Variants in ASIC2 observed in about 807,000 individuals in gnomAD.
ASIC2 encodes the protein acid-sensing ion channel 2.
ASIC2 carries 25 observed loss-of-function variants against 57.3 expected under a neutral mutation model. The ratio of observed to expected loss-of-function variants is 0.44; its 90% CI spans 0.32 to 0.61. The LOEUF (loss-of-function observed/expected upper bound fraction) is 0.61, where lower values mean the gene tolerates loss of function less well. ASIC2 is among the 20% of genes least tolerant of loss of function. The pLI is 0.06. For missense variants in ASIC2, 641 were observed against 738.1 expected (o/e 0.87, Z 1.52); for synonymous variants, 319 against 307.5 (o/e 1.04, Z -0.39).
At chr17:34,131,110 G>A (rs73282443) in intron 1 of ASIC2, among the ~76,000 whole-genome samples, 4,169 of 120,498 alleles carry the variant, frequency 0.035, 196 homozygotes, top group African/African-American at 0.13. Context: ...AGTGGGGAAA[G>A]AAAGCCTTCG....
At chr17:33,054,893 C>T (rs984816321) in intron 3 of ASIC2, among the ~76,000 whole-genome samples, 10 of 152,224 alleles carry the variant, frequency 6.6e-5, no homozygotes, top group East Asian at 1.9e-4. Context: ...TGATGTAGGG[C>T]GGGCAGGGGG....
intron 1 of ASIC2, among the ~76,000 whole-genome samples, chr17:33,927,830 G>A (rs938632004): frequency 6.6e-6 from 1 of 152,092 alleles, no homozygotes; most frequent in Non-Finnish European, 1.5e-5. Context: ...CTACCCCTGA[G>A]AATCAGAAGC....
rs577152541 is a variant in ASIC2 at position 33,358,180 on chromosome 17, C to T, written c.556-246113G>A. ...TCAAAAGGATAATTGTATTTTCTAA[C>T]GTGTGAAGAGTGTTATTGGACTACA... On this transcript the variant is annotated intron_variant, in intron 1 of 9. Coordinates refer to the ASIC2 transcript ENST00000359872. 6.6e-5 allele frequency among the ~76,000 whole-genome samples: 10 copies of T among 152,150 alleles called. No homozygotes were observed. In the South Asian group the frequency reaches 8.3e-4, roughly 13 times the overall value.
intron 1 of ASIC2, among the ~76,000 whole-genome samples, chr17:34,053,603 G>T (rs975326539): frequency 6.6e-6 from 1 of 152,136 alleles, no homozygotes; most frequent in Non-Finnish European, 1.5e-5. Context: ...CACATAATCT[G>T]CCCAATTAAC....
chr17:33,110,609 C>T (rs1424901903), intron 2 of ASIC2, among the ~76,000 whole-genome samples: 1 of 152,122 alleles, frequency 6.6e-6, no homozygotes, highest in Non-Finnish European at 1.5e-5. Flanking sequence ...TGGCCACACT[C>T]CCGTCCCTGC....
intron 1 of ASIC2, among the ~76,000 whole-genome samples, chr17:33,838,261 A>G (rs1913330149): frequency 6.6e-6 from 1 of 152,192 alleles, no homozygotes; most frequent in Admixed American, 6.5e-5. Flanking sequence ...TAGGAAGTAG[A>G]AGGGAACACA....
intron 1 of ASIC2, among the ~76,000 whole-genome samples, chr17:33,551,633 A>T (rs541015853): frequency 2.0e-5 from 3 of 152,252 alleles, no homozygotes; most frequent in African/African-American, 7.2e-5. Flanking sequence ...TAGATTATAG[A>T]CATCCTTCCC....
chr17:33,208,595 A>AAGTC (rs1907157811), intron 1 of ASIC2, among the ~76,000 whole-genome samples: 1 of 152,188 alleles, frequency 6.6e-6, no homozygotes, highest in Non-Finnish European at 1.5e-5. Flanking sequence ...CTGACCAACA[A>AAGTC]AGTCAGTCAC....
chr17:33,361,571 C>T (rs1908608912), intron 1 of ASIC2, among the ~76,000 whole-genome samples: 1 of 152,164 alleles, frequency 6.6e-6, no homozygotes, highest in Non-Finnish European at 1.5e-5. Flanking sequence ...AACTGCCCTA[C>T]CTGTTGTAAT....
chr17:33,815,598 A>C (rs1734961622), intron 1 of ASIC2, among the ~76,000 whole-genome samples: 1 of 152,190 alleles, frequency 6.6e-6, no homozygotes, highest in Admixed American at 6.5e-5. Flanking sequence ...GATATTGCCC[A>C]GGGCTGGTGG....
At chr17:33,362,505 T>C (rs905062764) in intron 1 of ASIC2, among the ~76,000 whole-genome samples, 7 of 152,194 alleles carry the variant, frequency 4.6e-5, no homozygotes, top group African/African-American at 1.7e-4. Context: ...GAACACAGTG[T>C]GGGGCAGAGG....
intron 1 of ASIC2, among the ~76,000 whole-genome samples, chr17:33,509,864 C>T (rs1049417001): frequency 6.6e-6 from 1 of 152,208 alleles, no homozygotes; most frequent in South Asian, 2.1e-4. Context: ...CTGCCCTAGC[C>T]TTGCCATTAC....
chr17:33,682,347 G>A (rs996291167), intron 1 of ASIC2, among the ~76,000 whole-genome samples: 2 of 151,948 alleles, frequency 1.3e-5, no homozygotes, highest in African/African-American at 4.8e-5. Flanking sequence ...TTCCAGGCAT[G>A]AGCCACCGTG....
intron 1 of ASIC2, chr17:34,003,029 A>C (rs1455161787): frequency 6.6e-6 from 1 of 152,226 alleles, no homozygotes; most frequent in Admixed American, 6.5e-5. Flanking sequence ...TTCAAGGTAT[A>C]ATTGTTGGGA....
At chr17:33,609,493 C>G (rs570294827) in intron 1 of ASIC2, among the ~76,000 whole-genome samples, 3 of 152,298 alleles carry the variant, frequency 2.0e-5, no homozygotes, top group Admixed American at 2.0e-4. Context: ...TCCCGTGTTT[C>G]CTCCCTAGCT....
chr17:33,859,474 C>A (rs575181798), intron 1 of ASIC2, among the ~76,000 whole-genome samples: 1 of 152,178 alleles, frequency 6.6e-6, no homozygotes, highest in Non-Finnish European at 1.5e-5. Context: ...GAAACCCAAG[C>A]TCAATCAGAG....
chr17:34,120,604 G>T (rs945739048), intron 1 of ASIC2, among the ~76,000 whole-genome samples: 2 of 151,036 alleles, frequency 1.3e-5, no homozygotes, highest in Admixed American at 6.6e-5. Context: ...GTGCTAAATC[G>T]CAGTAACTCA....
intron 1 of ASIC2, chr17:33,581,431 C>A (rs1904437424): frequency 6.6e-6 from 1 of 152,152 alleles, no homozygotes; most frequent in Non-Finnish European, 1.5e-5. Flanking sequence ...TCAAAGAGCC[C>A]ACCCAAGGCT....
At chr17:33,698,325 G>A (rs1908593225) in intron 1 of ASIC2, among the ~76,000 whole-genome samples, 3 of 152,118 alleles carry the variant, frequency 2.0e-5, no homozygotes, top group Non-Finnish European at 4.4e-5. Flanking sequence ...TCTGCACAAT[G>A]GGGAGAAAAG....
Sources: gnomAD v4.1 joint callset for allele counts (sites outside exome capture counted in the v4.1 genomes callset) on GRCh38, gnomAD v4.1.1 for gene constraint, MANE v1.5 for transcripts, NCBI Gene and HGNC (gene_info 2026-07-23, HGNC 2026-07-21) for gene names.